The following CLIC5 variants were observed in gnomAD, a reference collection of about 807,000 sequenced individuals.
The protein encoded by CLIC5 is chloride intracellular channel protein 5.
CLIC5 carries 20 observed loss-of-function variants against 24.7 expected under a neutral mutation model. That is an observed-to-expected ratio of 0.81 (90% confidence interval 0.57 to 1.18). CLIC5 has a LOEUF of 1.18. Among genes scored for constraint, CLIC5 ranks in the 50% most tolerant of loss-of-function variants. The probability of loss-of-function intolerance (pLI) is 0.00; values close to 1 mark genes in which losing one functional copy is unlikely to be tolerated. For missense variants in CLIC5, 341 were observed against 326.1 expected (o/e 1.05, Z -0.35); for synonymous variants, 159 against 135.6 (o/e 1.17, Z -1.20).
chr6:45,990,310 C>T (rs1765889579), intron 1 of CLIC5, among the ~76,000 whole-genome samples: 2 of 152,162 alleles, frequency 1.3e-5, no homozygotes, highest in Non-Finnish European at 2.9e-5. Flanking sequence ...ATGTTTAAGT[C>T]ACTAGTTTCC....
intron 1 of CLIC5, among the ~76,000 whole-genome samples, chr6:45,998,922 C>T (rs1766249763): frequency 6.6e-6 from 1 of 152,216 alleles, no homozygotes; most frequent in African/African-American, 2.4e-5. Context: ...TTTTATACTA[C>T]AAAGGCATAA....
At chr6:46,006,758 A>T (rs1303482927) in intron 1 of CLIC5, among the ~76,000 whole-genome samples, 1 of 147,352 alleles carries the variant, frequency 6.8e-6, no homozygotes, top group Non-Finnish European at 1.5e-5. Flanking sequence ...CCTCTGCAAC[A>T]TCCACCTCCC....
intron 3 of CLIC5, among the ~76,000 whole-genome samples, chr6:45,947,725 G>A (rs898508487): frequency 1.1e-4 from 16 of 152,196 alleles, no homozygotes; most frequent in Admixed American, 8.5e-4. Context: ...CAATGAGGTT[G>A]AGTCCCGGGG....
intron 3 of CLIC5, among the ~76,000 whole-genome samples, chr6:45,946,679 G>C (rs968262053): frequency 2.6e-5 from 4 of 152,186 alleles, no homozygotes; most frequent in African/African-American, 9.7e-5. Context: ...TGGTGAGGCT[G>C]GTGGTTTGTT....
chr6:46,073,029 T>A (rs1205943611), intron 1 of CLIC5, among the ~76,000 whole-genome samples: 1 of 152,220 alleles, frequency 6.6e-6, no homozygotes, highest in Non-Finnish European at 1.5e-5. Context: ...GCCAGTGATT[T>A]GCAGGCAGCC....
At chr6:46,027,406 T>A (rs1767365143) in intron 1 of CLIC5, among the ~76,000 whole-genome samples, 1 of 152,216 alleles carries the variant, frequency 6.6e-6, no homozygotes, top group Admixed American at 6.5e-5. Context: ...GGAGCTGAAG[T>A]ACAAGCTTGA....
chr6:45,955,000 T>A (rs981328387), intron 2 of CLIC5, 135 bp downstream of exon 2: 1 of 588,444 alleles, frequency 1.7e-6, no homozygotes, highest in Non-Finnish European at 3.0e-6. Flanking sequence ...TAAGACTGGA[T>A]CCTGAGACAC....
At chr6:46,033,070 A>C (rs9472675) in intron 1 of CLIC5, among the ~76,000 whole-genome samples, 36,997 of 146,110 alleles carry the variant, frequency 0.25, 5,592 homozygotes, top group African/African-American at 0.44. Context: ...CTCACTGCAA[A>C]CTCCGCCTCC....
intron 1 of CLIC5, among the ~76,000 whole-genome samples, chr6:45,958,471 T>G (rs1304088526): frequency 3.2e-5 from 1 of 31,420 alleles, no homozygotes; most frequent in Non-Finnish European, 6.6e-5. Context: ...TATATATATA[T>G]ATATAAACAG....
At chr6:46,002,075 T>C (rs1331771970) in intron 1 of CLIC5, among the ~76,000 whole-genome samples, 1 of 152,178 alleles carries the variant, frequency 6.6e-6, no homozygotes, top group Non-Finnish European at 1.5e-5. Context: ...CAGTCTTCTA[T>C]GTGGCATTAT....
In CLIC5 at chr6:45,931,286, G is replaced by A. The variant is rs190317985; in HGVS notation, c.406+10261C>T. ...AGTTTGCCAAGCCCTGACTTATGAGGAAGAGCTACCTGTTTCCAGGCAAGA... is the reference window on the plus strand; with the variant it reads ...AGTTTGCCAAGCCCTGACTTATGAGAAAGAGCTACCTGTTTCCAGGCAAGA... On this transcript the variant is annotated intron_variant, in intron 4 of 5. Coordinates refer to ENST00000339561, the MANE Select transcript of CLIC5 (RefSeq NM_016929.5). Among the ~76,000 whole-genome samples the A allele has an allele frequency of 2.8e-4, 42 of 152,278 alleles. 1 individual carries two copies. The highest frequency in any genetic ancestry group is 8.7e-4 in the African/African-American group (36 of 41,558).
At chr6:45,994,259 G>A (rs1766046092) in intron 1 of CLIC5, among the ~76,000 whole-genome samples, 1 of 152,170 alleles carries the variant, frequency 6.6e-6, no homozygotes, top group African/African-American at 2.4e-5. Context: ...GTTGATGATA[G>A]ACTGGATAAA....
the CLIC5 span, among the ~76,000 whole-genome samples, chr6:46,087,911 T>C: frequency 2.0e-5 from 3 of 152,212 alleles, no homozygotes; most frequent in Non-Finnish European, 4.4e-5. Flanking sequence ...ACGAGCTGCA[T>C]ATTTGTCATC....
At chr6:45,910,230 G>T (rs1297043192) in intron 5 of CLIC5, among the ~76,000 whole-genome samples, 1 of 152,074 alleles carries the variant, frequency 6.6e-6, no homozygotes, top group Non-Finnish European at 1.5e-5. Context: ...TTGATCAGAG[G>T]AATGATAATA....
intron 1 of CLIC5, among the ~76,000 whole-genome samples, chr6:46,007,894 T>C (rs945209835): frequency 2.7e-5 from 4 of 149,868 alleles, no homozygotes; most frequent in African/African-American, 9.9e-5. Context: ...TTGTTTGTTT[T>C]TTCCTGTTTT....
chr6:46,023,429 C>T (rs1367341349), intron 1 of CLIC5, among the ~76,000 whole-genome samples: 1 of 152,160 alleles, frequency 6.6e-6, no homozygotes, highest in Non-Finnish European at 1.5e-5. Context: ...CCCTCCATTG[C>T]TAAAGCCCAG....
At chr6:45,895,886 G>A (rs7454875), downstream of CLIC5, among the ~76,000 whole-genome samples, 68,752 of 151,980 alleles carry the variant, frequency 0.45, 15,685 homozygotes, top group South Asian at 0.53. Context: ...GCATCTCAGC[G>A]GTCTAGACTC....
chr6:45,965,185 C>A (rs184376855), intron 1 of CLIC5, among the ~76,000 whole-genome samples: 11 of 152,198 alleles, frequency 7.2e-5, no homozygotes. Context: ...GAGAGTGTTC[C>A]TAAACTAGGT....
intron 4 of CLIC5, chr6:45,920,711 CTG>C (rs1469892800): frequency 5.2e-6 from 5 of 965,168 alleles, no homozygotes; most frequent in Non-Finnish European, 6.2e-6. Context: ...GGAAGAGACA[CTG>C]AGAGAGATCA....
Sources: allele counts gnomAD v4.1 joint callset (sites outside exome capture counted in the v4.1 genomes callset), GRCh38; gene constraint gnomAD v4.1.1; transcripts MANE v1.5; gene names NCBI Gene and HGNC (gene_info 2026-07-23, HGNC 2026-07-21).